The following TRIM56 variants were observed in gnomAD, a reference collection of about 807,000 sequenced individuals.
The protein encoded by TRIM56 is tripartite motif containing 56.
A neutral mutation model predicts 17.1 loss-of-function variants in TRIM56; 10 were observed. The ratio of observed to expected loss-of-function variants is 0.58; its 90% CI spans 0.36 to 0.99. The LOEUF is 0.99. TRIM56 is among the 50% of genes least tolerant of loss of function. The pLI, the probability that TRIM56 is intolerant of heterozygous loss-of-function variation, is 0.01. For synonymous variants in TRIM56, 503 were observed against 473.5 expected (o/e 1.06, Z -0.81); for missense variants, 923 against 1,052.3 (o/e 0.88, Z 1.70).
chr7:101,087,205 G>A (rs558594184), intron 2 of TRIM56, 37 bp downstream of exon 2: 1 of 1,073,884 alleles, frequency 9.3e-7, no homozygotes, highest in Non-Finnish European at 1.4e-6. Flanking sequence ...ATTTGGGTCA[G>A]CCCCTAGCCC....
Position 101,097,751 on chromosome 7 carries a change from G to A in TRIM56, c.*8171G>A, listed in dbSNP as rs1261362663. ...TGGGTCAAAGACGAGGAATCAGGAC[G>A]TCGGTGCCTAGTGACTGAGCGCCAG... On this transcript the variant is annotated 3_prime_UTR_variant, in exon 3 of 3. Coordinates refer to ENST00000306085, the MANE Select transcript of TRIM56 (RefSeq NM_030961.3). 4 of 152,230 alleles carry A rather than the reference G, an allele frequency of 2.6e-5. No individual in the cohort carries two copies. The highest frequency in any genetic ancestry group is 7.2e-5 in the African/African-American group (3 of 41,456). 9.4% of individuals were successfully genotyped at this position (152,230 alleles called of 1,614,324 possible). A position where few individuals can be genotyped will look rare whatever the true frequency, so the allele number is the denominator to read the frequency against.
intron 2 of TRIM56, 28 bp downstream of exon 2, chr7:101,087,196 T>G: frequency 3.1e-6 from 3 of 969,826 alleles, no homozygotes; most frequent in Non-Finnish European, 4.6e-6. Flanking sequence ...TTCCCGGCCA[T>G]TTGGGTCAGC....
At position 101,089,597 on chromosome 7, in the gene TRIM56, G is replaced by A. The variant is rs529088989; in HGVS notation, c.*17G>A. Reference sequence around the variant, plus strand: ...GACAGTTAAAGGGGCTAGGACTAGGGTGAGAGGGAGTGGGGAGGGAGAGGG... The same window carrying A: ...GACAGTTAAAGGGGCTAGGACTAGGATGAGAGGGAGTGGGGAGGGAGAGGG... On this transcript the variant is annotated 3_prime_UTR_variant, in exon 3 of 3. Coordinates refer to ENST00000306085, the MANE Select transcript of TRIM56 (RefSeq NM_030961.3). The A allele has an allele frequency of 1.3e-6, 2 of 1,595,306 alleles. No individual in the cohort carries two copies. Among genetic ancestry groups the A allele is most frequent in the Non-Finnish European group, 8.6e-7 (1 of 1,166,978 alleles).
rs970313664 is a variant in TRIM56 at position 101,095,718 on chromosome 7, G to A, written c.*6138G>A. 7 of 152,180 alleles carry A rather than the reference G, an allele frequency of 4.6e-5. No homozygotes were observed. Among genetic ancestry groups the A allele is most frequent in the South Asian group, 2.1e-4 (1 of 4,830 alleles). 9.4% of individuals were successfully genotyped at this position (152,180 alleles called of 1,614,324 possible). ...ATTGTAAGATGGAGGGAAATATTAAGTTTTCTTCGTAAAGAGGTGAGGGGG... is the reference window on the plus strand; with the variant it reads ...ATTGTAAGATGGAGGGAAATATTAAATTTTCTTCGTAAAGAGGTGAGGGGG... On this transcript the variant is annotated 3_prime_UTR_variant, in exon 3 of 3. Transcript: ENST00000306085.
Position 101,088,259 on chromosome 7 carries a change from G to A in TRIM56, c.947G>A (p.Gly316Glu). 1 of 1,494,364 alleles carries A rather than the reference G, an allele frequency of 6.7e-7. No homozygotes were observed. Among genetic ancestry groups the A allele is most frequent in the Non-Finnish European group, 8.9e-7 (1 of 1,128,236 alleles). 92.6% of individuals were successfully genotyped at this position (1,494,364 alleles called of 1,614,324 possible). ...TTCGCCCGCCGGGTACTCAGCCTGG[G>A]GCGAGAGGCCGAGATCCTCTCCCTG... ...AAFARRVLSL[G>E]REAEILSLEG... The change falls in exon 3 of 3, where the codon GGG becomes GAG. Residue 316 changes from glycine to glutamate, a missense_variant. Physicochemically the swap from Gly to Glu is moderately conservative, Grantham distance 98 (BLOSUM62 -2). This residue lies in a region of TRIM56 where 643 missense variants were observed against 665.6 expected (regional missense o/e 0.97). Coordinates refer to ENST00000306085, the MANE Select transcript of TRIM56 (RefSeq NM_030961.3).
rs1264406018 is a variant in TRIM56, at chr7:101,096,203, AAAAG to A, written c.*6625_*6628del. The A allele has an allele frequency of 6.6e-6, 1 of 152,292 alleles. No homozygotes were observed. The highest frequency in any genetic ancestry group is 1.9e-4 in the East Asian group (1 of 5,200). 9.4% of individuals were successfully genotyped at this position (152,292 alleles called of 1,614,324 possible). A position where few individuals can be genotyped will look rare whatever the true frequency, so the allele number is the denominator to read the frequency against. On this transcript the variant is annotated 3_prime_UTR_variant, in exon 3 of 3. Coordinates refer to ENST00000306085, the MANE Select transcript of TRIM56 (RefSeq NM_030961.3). ...GACCCTGTCTCAAAAAGAAAAAAAAAAAAGAGAGAAATCAGGAACATCATGAAAG... is the reference window on the plus strand; with the variant it reads ...GACCCTGTCTCAAAAAGAAAAAAAAAAGAGAAATCAGGAACATCATGAAAG...
Position 101,087,476 on chromosome 7 carries a change from G to A in TRIM56, c.164G>A (p.Arg55His), listed in dbSNP as rs763412647. The change falls in exon 3 of 3, where the codon CGC (arginine) becomes CAC (histidine). Residue 55 changes from arginine (R) to histidine (H), a missense_variant. Arg to His is a conservative substitution (Grantham distance 29). Around this residue, in one of 3 missense-constraint regions of TRIM56, gnomAD observed 98 missense variants for 143.6 expected, o/e 0.68. Transcript: ENST00000306085. ...LAQLADGGRV[R>H]CPECRETVPV... is the part of the protein sequence containing the mutation. The stretch of plus-strand genomic sequence containing the variant: ...CAGCTGGCGGATGGCGGCCGCGTCC[G>A]CTGCCCCGAGTGCCGCGAGACAGTG... The A allele has an allele frequency of 3.1e-6, 5 of 1,613,368 alleles. No homozygotes were observed. The highest frequency in any genetic ancestry group is 1.3e-5 in the African/African-American group (1 of 75,058).
intron 1 of TRIM56, 54 bp from the exon 2 acceptor site, chr7:101,086,952 G>T: frequency 4.2e-6 from 1 of 237,152 alleles, no homozygotes; most frequent in Non-Finnish European, 8.2e-6. Flanking sequence ...CTGTGGACTG[G>T]GGACACTGAG....
In TRIM56 at chr7:101,088,186, C is replaced by T. The variant is rs778995996; in HGVS notation, c.874C>T (p.Leu292=). The change falls in exon 3 of 3, where the codon CTG becomes TTG. Residue 292 remains leucine (L), a synonymous_variant. Transcript: ENST00000306085. ...EAAEEAARER[L]AELEGREQVA... ...TGCCGAAGAAGCTGCTCGGGAGAGG[C>T]TGGCGGAGCTTGAGGGCCGGGAGCA... The T allele has an allele frequency of 6.7e-6, 10 of 1,484,422 alleles. 1 individual carries two copies. The South Asian group carries it at 9.3e-5, about 14-fold the overall frequency. 92.0% of individuals were successfully genotyped at this position (1,484,422 alleles called of 1,614,324 possible). A position where few individuals can be genotyped will look rare whatever the true frequency, so the allele number is the denominator to read the frequency against.
At chr7:101,085,649 GGGA>G in intron 1 of TRIM56, 78 bp downstream of exon 1, 1 of 152,774 alleles carries the variant, frequency 6.5e-6, no homozygotes, top group Non-Finnish European at 1.5e-5. Context: ...GAGAGAGCGC[GGGA>G]GGAGGAGGAA....
In TRIM56 at chr7:101,087,385, C is replaced by G. The variant is rs1330655747; in HGVS notation, c.73C>G (p.Leu25Val). ...CGACTTCCTGGCCTGTAAAATCTGC[C>G]TGGAGCAGCTGCGGGCACCCAAGAC... ...SSDFLACKIC[L>V]EQLRAPKTLP... Residue 25 changes from leucine to valine, a missense_variant, in exon 3 of 3, where the codon CTG becomes GTG. Physicochemically the swap from Leu to Val is conservative, Grantham distance 32. Transcript: ENST00000306085. The G allele has an allele frequency of 2.5e-6, 4 of 1,612,706 alleles. No homozygotes were observed. Among genetic ancestry groups the G allele is most frequent in the Non-Finnish European group, 3.4e-6 (4 of 1,180,028 alleles).
rs756222969 is a variant in TRIM56 at position 101,088,458 on chromosome 7, C to T, written c.1146C>T (p.Asp382=). 157 of 1,613,550 alleles carry T rather than the reference C, an allele frequency of 9.7e-5. No individual in the cohort carries two copies. The highest frequency in any genetic ancestry group is 1.6e-4 in the East Asian group (7 of 44,886). Residue 382 remains aspartate (D), a synonymous_variant, in exon 3 of 3, where the codon GAC becomes GAT. Transcript: ENST00000306085. ...AGCCCCAGAAGGATGGTGGGAAAGA[C>T]GGAGCTGGTACCCAGGGAGGTGAGG... ...EQQPQKDGGK[D]GAGTQGGEES...
chr7:101,091,839 C>G lies in TRIM56; in HGVS notation c.*2259C>G, dbSNP rs1483307469. On this transcript the variant is annotated 3_prime_UTR_variant, in exon 3 of 3. Transcript: ENST00000306085. Reference sequence around the variant, plus strand: ...GTCACGGTCTCCCTCTGATGCCGAGCCGAAGCTGGACTGTACTGCTGCCAT... The same window carrying G: ...GTCACGGTCTCCCTCTGATGCCGAGGCGAAGCTGGACTGTACTGCTGCCAT... 3 of 399,316 alleles carry G rather than the reference C, an allele frequency of 7.5e-6. No individual in the cohort carries two copies. The highest frequency in any genetic ancestry group is 3.8e-5 in the South Asian group (2 of 52,554). The allele number at this position is 399,316 out of a possible 1,614,324, so 24.7% of individuals were successfully genotyped here.
chr7:101,095,581 T>C lies in TRIM56; in HGVS notation c.*6001T>C, dbSNP rs1289198220. ...GTGGCCCACCCAGGGGGCAAAACAA[T>C]AGAAACCTTCAGAAATGAAACGTCA... is the stretch of plus-strand genomic sequence containing the variant. On this transcript the variant is annotated 3_prime_UTR_variant, in exon 3 of 3. Coordinates refer to ENST00000306085, the MANE Select transcript of TRIM56 (RefSeq NM_030961.3). The C allele has an allele frequency of 6.6e-6, 1 of 151,964 alleles. No individual in the cohort carries two copies. The highest frequency in any genetic ancestry group is 1.5e-5 in the Non-Finnish European group (1 of 68,030). 9.4% of individuals were successfully genotyped at this position (151,964 alleles called of 1,614,324 possible). A position where few individuals can be genotyped will look rare whatever the true frequency, so the allele number is the denominator to read the frequency against.
In TRIM56 at chr7:101,088,593, C is replaced by G; in HGVS notation, c.1281C>G (p.Thr427=). 6.2e-7 allele frequency: 1 copy of G among 1,612,996 alleles called. No homozygotes were observed. Among genetic ancestry groups the G allele is most frequent in the Non-Finnish European group, 8.5e-7 (1 of 1,179,140 alleles). ...QTPKEEKAQT[T]REEGAQTLEE... The stretch of plus-strand genomic sequence containing the variant: ...CAAAAGAGGAAAAAGCCCAGACAAC[C>G]CGAGAAGAGGGAGCCCAGACCTTGG... Residue 427 remains threonine (T), a synonymous_variant, in exon 3 of 3, where the codon ACC becomes ACG. Transcript: ENST00000306085.
Position 101,089,644 on chromosome 7 carries a change from C to T in TRIM56, c.*64C>T, listed in dbSNP as rs1264607508. On this transcript the variant is annotated 3_prime_UTR_variant, in exon 3 of 3. Coordinates refer to ENST00000306085, the MANE Select transcript of TRIM56 (RefSeq NM_030961.3). The stretch of plus-strand genomic sequence containing the variant: ...AGGGCAGGAAGGAGGCAGAGCTGTC[C>T]GTGGGAGGTGGAGGCCGAGGACATT... 33 of 1,466,268 alleles carry T rather than the reference C, an allele frequency of 2.3e-5. No homozygotes were observed. The highest frequency in any genetic ancestry group is 1.8e-4 in the Middle Eastern group (1 of 5,560). The allele number at this position is 1,466,268 out of a possible 1,614,324, so 90.8% of individuals were successfully genotyped here.
chr7:101,089,455 T>C lies in TRIM56; in HGVS notation c.2143T>C (p.Phe715Leu). The C allele has an allele frequency of 1.2e-6, 2 of 1,614,242 alleles. No individual in the cohort carries two copies. ...LDPKGSLLGD[F>L]LTAYHGLEKP... ...CCCGAAGGGGTCCCTCCTTGGAGAC[T>C]TCCTGACAGCCTACCACGGCCTGGA... Residue 715 changes from phenylalanine (F) to leucine (L), a missense_variant, in exon 3 of 3, where the codon TTC becomes CTC. This residue lies in a region of TRIM56 where 182 missense variants were observed against 243.1 expected (regional missense o/e 0.75). Transcript: ENST00000306085.
Position 101,088,223 on chromosome 7 carries a change from C to T in TRIM56, c.911C>T (p.Ala304Val), listed in dbSNP as rs774109376. ...ELEGREQVAR[A>V]AAAFARRVLS... ...GAGGGCCGGGAGCAGGTGGCCAGGG[C>T]CGCAGCCGCCTTCGCCCGCCGGGTA... Residue 304 changes from alanine to valine, a missense_variant, in exon 3 of 3, where the codon GCC becomes GTC. Transcript: ENST00000306085. 16 of 1,464,638 alleles carry T rather than the reference C, an allele frequency of 1.1e-5. No individual in the cohort carries two copies. Among genetic ancestry groups the T allele is most frequent in the Non-Finnish European group, 1.3e-5 (15 of 1,113,862 alleles). 90.7% of individuals were successfully genotyped at this position (1,464,638 alleles called of 1,614,324 possible).
At position 101,089,027 on chromosome 7, in the gene TRIM56, T is replaced by C; in HGVS notation, c.1715T>C (p.Leu572Pro). The C allele has an allele frequency of 2.5e-6, 4 of 1,604,844 alleles. No homozygotes were observed. The highest frequency in any genetic ancestry group is 3.4e-6 in the Non-Finnish European group (4 of 1,179,254). Residue 572 changes from leucine (L) to proline (P), a missense_variant, in exon 3 of 3, where the codon CTC becomes CCC. Leu to Pro is a moderately conservative substitution (Grantham distance 98). Transcript: ENST00000306085. Reference sequence around the variant, plus strand: ...TTCTCCGCTAGCGCACGGCTCTATCTCATCAACCCCAACGGCGAAGTGCAG... The same window carrying C: ...TTCTCCGCTAGCGCACGGCTCTATCCCATCAACCCCAACGGCGAAGTGCAG... ...VAFSASARLY[L>P]INPNGEVQWR...
Sources: gnomAD v4.1 joint callset for allele counts on GRCh38, gnomAD v4.1.1 for gene constraint, gnomAD v4.1.1 regional missense constraint, MANE v1.5 for transcripts, NCBI Gene and HGNC (gene_info 2026-07-23, HGNC 2026-07-21) for gene names.